NELL2: variants seen among roughly 807,000 people sequenced by gnomAD.
NELL2 encodes the protein protein kinase C-binding protein NELL2.
NELL2 carries 41 observed loss-of-function variants against 109.6 expected under a neutral mutation model. The ratio of observed to expected loss-of-function variants is 0.37; its 90% CI spans 0.29 to 0.49. The LOEUF (loss-of-function observed/expected upper bound fraction) is 0.49. Among genes scored for constraint, NELL2 ranks in the 20% least tolerant of loss-of-function variants. NELL2 has a pLI of 0.98. For synonymous variants in NELL2, 355 were observed against 344.7 expected (o/e 1.03, Z -0.33); for missense variants, 900 against 1,008.3 (o/e 0.89, Z 1.45).
intron 2 of NELL2, among the ~76,000 whole-genome samples, chr12:44,863,950 T>C (rs2465109): frequency 0.8 from 121,475 of 151,912 alleles, 48,969 homozygotes; most frequent in Middle Eastern, 0.94. Flanking sequence ...ATGTGTAGAG[T>C]TTTTCTTATG....
intron 13 of NELL2, among the ~76,000 whole-genome samples, chr12:44,618,507 C>G (rs1162818740): frequency 6.6e-6 from 1 of 152,128 alleles, no homozygotes; most frequent in Non-Finnish European, 1.5e-5. Flanking sequence ...ATTGCTAAGA[C>G]ATGTTTTATA....
chr12:44,894,027 A>C (rs1945565784), intron 1 of NELL2, among the ~76,000 whole-genome samples: 1 of 152,232 alleles, frequency 6.6e-6, no homozygotes, highest in Admixed American at 6.5e-5. Flanking sequence ...ATCTACTTAG[A>C]ACAAATCTAA....
In NELL2 at chr12:44,674,176, C is replaced by T. The variant is rs530497676; in HGVS notation, c.1319-8567G>A. Reference sequence around the variant, plus strand: ...TCTGAGAACCCATTAATGCAGAACACATTTGGGAATTTATATCTGGTGATA... The same window carrying T: ...TCTGAGAACCCATTAATGCAGAACATATTTGGGAATTTATATCTGGTGATA... On this transcript the variant is annotated intron_variant, in intron 12 of 19. Coordinates refer to ENST00000429094, the MANE Select transcript of NELL2 (RefSeq NM_001145108.2). Among the ~76,000 whole-genome samples the T allele has an allele frequency of 2.5e-4, 38 of 152,200 alleles. No homozygotes were observed. In the South Asian group the frequency reaches 3.9e-3, roughly 16 times the overall value.
At chr12:44,708,173 T>C (rs1455260112) in intron 11 of NELL2, among the ~76,000 whole-genome samples, 2 of 152,206 alleles carry the variant, frequency 1.3e-5, no homozygotes, top group Non-Finnish European at 2.9e-5. Context: ...TGTGGTAATC[T>C]GTTATAAGCT....
At chr12:44,899,023 C>A (rs186191481) in intron 1 of NELL2, among the ~76,000 whole-genome samples, 46 of 150,444 alleles carry the variant, frequency 3.1e-4, no homozygotes, top group African/African-American at 1.1e-3. Flanking sequence ...TGAAGATCAA[C>A]TTAATGAAAT....
At chr12:44,781,200 A>T (rs961384478) in intron 3 of NELL2, among the ~76,000 whole-genome samples, 4 of 152,124 alleles carry the variant, frequency 2.6e-5, no homozygotes, top group South Asian at 2.1e-4. Flanking sequence ...GGGAAAAAAA[A>T]TTTAAAACCA....
intron 13 of NELL2, among the ~76,000 whole-genome samples, chr12:44,619,316 C>T (rs1171664441): frequency 6.6e-6 from 1 of 152,168 alleles, no homozygotes; most frequent in Non-Finnish European, 1.5e-5. Flanking sequence ...TAAACAGTAG[C>T]GTCCAGACTA....
chr12:44,711,478 T>G, intron 10 of NELL2, 84 bp from the exon 11 acceptor site: 3 of 1,170,646 alleles, frequency 2.6e-6, no homozygotes, highest in Non-Finnish European at 3.7e-6. Context: ...CTGAGAAGAC[T>G]CTTTTAAGAT....
At chr12:44,903,729 T>A (rs764086228) in intron 1 of NELL2, among the ~76,000 whole-genome samples, 11 of 152,084 alleles carry the variant, frequency 7.2e-5, no homozygotes, top group Non-Finnish European at 1.0e-4. Flanking sequence ...CGAGTTCATG[T>A]CCTTTGCAGG....
chr12:44,631,691 A>T (rs1946462270), intron 13 of NELL2, among the ~76,000 whole-genome samples: 1 of 152,214 alleles, frequency 6.6e-6, no homozygotes, highest in Admixed American at 6.6e-5. Flanking sequence ...ATAAAACTTG[A>T]AATTATTAAA....
At chr12:44,817,590 G>C (rs769238190) in intron 2 of NELL2, among the ~76,000 whole-genome samples, 3 of 152,136 alleles carry the variant, frequency 2.0e-5, no homozygotes, top group Non-Finnish European at 4.4e-5. Flanking sequence ...AGAGGGAAAA[G>C]CATACCAGAC....
intron 15 of NELL2, among the ~76,000 whole-genome samples, chr12:44,538,191 G>A (rs1423641981): frequency 3.9e-5 from 6 of 152,220 alleles, no homozygotes; most frequent in African/African-American, 1.4e-4. Context: ...CCTTATGGTA[G>A]GCTGCCTTTC....
At chr12:44,565,494 A>G (rs1165118238) in intron 15 of NELL2, among the ~76,000 whole-genome samples, 1 of 152,190 alleles carries the variant, frequency 6.6e-6, no homozygotes, top group Non-Finnish European at 1.5e-5. Context: ...CAAAATAAAA[A>G]TAAAGTTTCG....
chr12:44,833,742 G>A (rs987262984), intron 2 of NELL2, among the ~76,000 whole-genome samples: 1 of 152,122 alleles, frequency 6.6e-6, no homozygotes, highest in Non-Finnish European at 1.5e-5. Flanking sequence ...TACAGCTCTA[G>A]GTAATACCTG....
intron 15 of NELL2, among the ~76,000 whole-genome samples, chr12:44,593,596 T>A (rs561071691): frequency 7.9e-4 from 120 of 152,318 alleles, no homozygotes; most frequent in African/African-American, 2.8e-3. Context: ...TGATTTATAA[T>A]CCTTTGGGTA....
At chr12:44,775,947 T>C (rs1941740816) in intron 8 of NELL2, 75 bp downstream of exon 8, 1 of 1,529,342 alleles carries the variant, frequency 6.5e-7, no homozygotes, top group Admixed American at 2.1e-5. Context: ...TTTTCATGAT[T>C]ACATTGTTTT....
chr12:44,547,143 T>C (rs1291472754), intron 15 of NELL2, among the ~76,000 whole-genome samples: 1 of 152,216 alleles, frequency 6.6e-6, no homozygotes, highest in Non-Finnish European at 1.5e-5. Flanking sequence ...ATCCTGCTAC[T>C]TCTTAGAGGC....
intron 15 of NELL2, 23 bp downstream of exon 15, chr12:44,607,146 A>G (rs1299790052): frequency 1.3e-6 from 2 of 1,586,024 alleles, no homozygotes; most frequent in Non-Finnish European, 1.7e-6. Flanking sequence ...TTCATTTTCT[A>G]GAAGATGAAA....
chr12:44,787,175 A>G (rs1942209813), intron 3 of NELL2, among the ~76,000 whole-genome samples: 1 of 152,196 alleles, frequency 6.6e-6, no homozygotes, highest in Admixed American at 6.5e-5. Context: ...ATAATTTACA[A>G]TTACACAGAA....
Sources: allele counts gnomAD v4.1 joint callset (sites outside exome capture counted in the v4.1 genomes callset), GRCh38; gene constraint gnomAD v4.1.1; transcripts MANE v1.5; gene names NCBI Gene and HGNC (gene_info 2026-07-23, HGNC 2026-07-21).